The following IQCE variants were observed in gnomAD, a reference collection of about 807,000 sequenced individuals.
IQCE encodes IQ domain-containing protein E.
Under a neutral mutation model 96.0 loss-of-function variants are expected in IQCE, and 115 were observed. The observed-to-expected ratio is 1.20, with a 90% CI of 1.03 to 1.40. The LOEUF (loss-of-function observed/expected upper bound fraction) is 1.40, where lower values mean the gene tolerates loss of function less well. IQCE is among the 40% of genes most tolerant of loss of function. The probability of loss-of-function intolerance (pLI) is 0.00; values close to 1 mark genes in which losing one functional copy is unlikely to be tolerated. For missense variants in IQCE, 1,041 were observed against 909.1 expected (o/e 1.15, Z -1.87); for synonymous variants, 412 against 371.2 (o/e 1.11, Z -1.26).
intron 20 of IQCE, among the ~76,000 whole-genome samples, chr7:2,606,757 C>G: frequency 6.6e-6 from 1 of 152,176 alleles, no homozygotes; most frequent in South Asian, 2.1e-4. Flanking sequence ...GGGCGGCGAG[C>G]CCCAGCCAGG....
chr7:2,586,729 A>G (rs1328619985), intron 12 of IQCE, among the ~76,000 whole-genome samples: 1 of 152,090 alleles, frequency 6.6e-6, no homozygotes, highest in African/African-American at 2.4e-5. Flanking sequence ...GGTTGACAGG[A>G]AGGCACCCCC....
chr7:2,566,564 A>G (rs889594658), intron 1 of IQCE: 2 of 151,048 alleles, frequency 1.3e-5, no homozygotes, highest in African/African-American at 5.0e-5. Context: ...GGCTCAAGCG[A>G]TCCTCCCACC....
chr7:2,559,542 C>T (rs916252418), intron 1 of IQCE: 1 of 182,752 alleles, frequency 5.5e-6, no homozygotes, highest in Non-Finnish European at 1.1e-5. Context: ...CGGGCACCCC[C>T]GATCTAAGGC....
chr7:2,602,927 C>G (rs1032905762), intron 18 of IQCE, among the ~76,000 whole-genome samples: 1 of 152,226 alleles, frequency 6.6e-6, no homozygotes, highest in Non-Finnish European at 1.5e-5. Flanking sequence ...CCTCCACGAG[C>G]AGACAGCTGG....
intron 1 of IQCE, among the ~76,000 whole-genome samples, chr7:2,561,462 C>T (rs1376135727): frequency 4.6e-5 from 7 of 150,642 alleles, no homozygotes; most frequent in African/African-American, 1.7e-4. Flanking sequence ...GCTCTGTTGC[C>T]CAGGCTGGAG....
chr7:2,606,187 C>T (rs975826539), intron 20 of IQCE, among the ~76,000 whole-genome samples, 190 bp downstream of exon 20: 2 of 152,186 alleles, frequency 1.3e-5, no homozygotes, highest in Non-Finnish European at 1.5e-5. Context: ...GCACCACGGA[C>T]GTGGAGTGGG....
At chr7:2,590,777 A>C (rs1477733692) in intron 14 of IQCE, among the ~76,000 whole-genome samples, 3 of 136,840 alleles carry the variant, frequency 2.2e-5, no homozygotes, top group African/African-American at 8.2e-5. Flanking sequence ...AAGTGTAGGG[A>C]ACGGTGGGAG....
Position 2,567,140 on chromosome 7 carries a change from A to C in IQCE, c.61A>C (p.Thr21Pro). Reference protein sequence around the residue: ...DTGDDSLSAVTFDSDVETKAK... With the variant: ...DTGDDSLSAVPFDSDVETKAK... ...GGGAGATGACAGTCTGTCTGCAGTC[A>C]CCTTTGACTCTGATGTGGAGACGGT... Residue 21 changes from threonine to proline, a missense_variant, in exon 2 of 22, where the codon ACC (threonine) becomes CCC (proline). Coordinates refer to ENST00000402050, the MANE Select transcript of IQCE (RefSeq NM_152558.5). 6.2e-7 allele frequency: 1 copy of C among 1,613,844 alleles called. No individual in the cohort carries two copies.
intron 1 of IQCE, among the ~76,000 whole-genome samples, chr7:2,560,258 GAAA>G (rs1318726410): frequency 6.6e-6 from 1 of 152,174 alleles, no homozygotes; most frequent in African/African-American, 2.4e-5. Context: ...CAAAAAAAAA[GAAA>G]GCCCGTTGGG....
intron 3 of IQCE, among the ~76,000 whole-genome samples, chr7:2,570,218 G>A (rs1781663348): frequency 6.6e-6 from 1 of 152,064 alleles, no homozygotes; most frequent in African/African-American, 2.4e-5. Flanking sequence ...TTCCGAGTTT[G>A]TCGTTTTCCG....
rs376071259 is a variant in IQCE at position 2,572,337 on chromosome 7, C to T, written c.394+11C>T. On this transcript the variant is annotated intron_variant, in intron 5 of 21. Coordinates refer to ENST00000402050, the MANE Select transcript of IQCE (RefSeq NM_152558.5). ...GCTCTGCCAGCAACGGTGAGCATGC[C>T]GATGGTGGCGAGGCTGAGGCCAAGG... The T allele has an allele frequency of 4.3e-6, 7 of 1,612,582 alleles. No homozygotes were observed. The highest frequency in any genetic ancestry group is 1.1e-5 in the South Asian group (1 of 91,000).
intron 13 of IQCE, among the ~76,000 whole-genome samples, chr7:2,588,703 C>T (rs530997719): frequency 3.8e-5 from 4 of 106,638 alleles, no homozygotes; most frequent in African/African-American, 1.1e-4. Flanking sequence ...CTCACTCTAT[C>T]GCCCAGGCTG....
intron 17 of IQCE, among the ~76,000 whole-genome samples, chr7:2,600,859 C>T (rs1195023098): frequency 3.3e-5 from 5 of 152,216 alleles, no homozygotes; most frequent in Non-Finnish European, 7.3e-5. Flanking sequence ...TCTATAAGAA[C>T]ACATGCTCCG....
intron 1 of IQCE, among the ~76,000 whole-genome samples, chr7:2,561,232 A>G (rs1780928820): frequency 6.6e-6 from 1 of 152,138 alleles, no homozygotes; most frequent in Non-Finnish European, 1.5e-5. Flanking sequence ...TGCTGGGATT[A>G]CAGGCGTGAG....
Position 2,611,289 on chromosome 7 carries a change from G to C in IQCE, c.*1127G>C, listed in dbSNP as rs1460578097. 2 of 152,270 alleles carry C rather than the reference G, an allele frequency of 1.3e-5. No individual in the cohort carries two copies. The highest frequency in any genetic ancestry group is 4.8e-5 in the African/African-American group (2 of 41,444). 9.4% of individuals were successfully genotyped at this position (152,270 alleles called of 1,614,324 possible). A position where few individuals can be genotyped will look rare whatever the true frequency, so the allele number is the denominator to read the frequency against. Reference sequence around the variant, plus strand: ...GTCAAGAGGAAGAGCCTTAGACCTGGGCGGGCCTTCAGGGGCATCTAGACC... The same window carrying C: ...GTCAAGAGGAAGAGCCTTAGACCTGCGCGGGCCTTCAGGGGCATCTAGACC... On this transcript the variant is annotated 3_prime_UTR_variant, in exon 22 of 22. Transcript: ENST00000402050.
At chr7:2,568,338 C>G (rs1044527546) in intron 2 of IQCE, among the ~76,000 whole-genome samples, 2 of 152,168 alleles carry the variant, frequency 1.3e-5, no homozygotes, top group Non-Finnish European at 2.9e-5. Flanking sequence ...CCCAAGATAC[C>G]TCATTATATG....
rs780649606 is a variant in IQCE, at chr7:2,586,371, G to C, written c.988G>C (p.Gly330Arg). The C allele has an allele frequency of 2.5e-6, 4 of 1,609,720 alleles. No homozygotes were observed. In the Admixed American group the frequency reaches 5.1e-5, roughly 20 times the overall value. The change falls in exon 12 of 22, where the codon GGT (glycine) becomes CGT (arginine). Residue 330 changes from glycine (G) to arginine (R), a missense_variant and splice_region_variant. Coordinates refer to ENST00000402050, the MANE Select transcript of IQCE (RefSeq NM_152558.5). ...STSPTISKTQ[G>R]YVEWSKPRLL... ...CTCCCCAACCATCTCCAAGACACAG[G>C]GTACCTTCCTGAAAGCCACTCCAGG... is the stretch of plus-strand genomic sequence containing the variant.
At position 2,611,111 on chromosome 7, in the gene IQCE, G is replaced by GGCTGGGCTGGGCTGGGCTGA; in HGVS notation, c.*968_*969insAGCTGGGCTGGGCTGGGCTG. ...CGGCCTCTGCACTCCCAAGCTCCAT[G>GGCTGGGCTGGGCTGGGCTGA]GCTGGGCTGGGCTGGGCTGGGCTGG... is the stretch of plus-strand genomic sequence containing the variant. On this transcript the variant is annotated 3_prime_UTR_variant, in exon 22 of 22. Transcript: ENST00000402050. The GGCTGGGCTGGGCTGGGCTGA allele has an allele frequency of 2.0e-5, 1 of 50,204 alleles. No homozygotes were observed. The highest frequency in any genetic ancestry group is 3.9e-5 in the Non-Finnish European group (1 of 25,514). The allele number at this position is 50,204 out of a possible 1,614,324, so 3.1% of individuals were successfully genotyped here. A position where few individuals can be genotyped will look rare whatever the true frequency, so the allele number is the denominator to read the frequency against.
intron 6 of IQCE, among the ~76,000 whole-genome samples, chr7:2,577,163 TC>T (rs1420032518): frequency 6.6e-6 from 1 of 152,128 alleles, no homozygotes; most frequent in Non-Finnish European, 1.5e-5. Context: ...GCTTTCCAAA[TC>T]CCCCAGCTCA....
Sources: gnomAD v4.1 joint callset for allele counts (sites outside exome capture counted in the v4.1 genomes callset) on GRCh38, gnomAD v4.1.1 for gene constraint, MANE v1.5 for transcripts, NCBI Gene and HGNC (gene_info 2026-07-23, HGNC 2026-07-21) for gene names.